NFYA: variants seen among roughly 807,000 people sequenced by gnomAD.
NFYA encodes the protein CAAT-box DNA binding protein subunit A.
In NFYA, 28 loss-of-function variants were observed where a neutral mutation model predicts 52.8. That is an observed-to-expected ratio of 0.53 (90% CI 0.39 to 0.73). The LOEUF is 0.73. Ranked by LOEUF, NFYA falls within the 30% of genes least tolerant of loss-of-function variation. The pLI, the probability that NFYA is intolerant of heterozygous loss-of-function variation, is 0.00. For missense variants in NFYA, 234 were observed against 427.0 expected, an observed-to-expected ratio of 0.55 and a Z score of 3.98; for synonymous variants, 150 against 150.7, an observed-to-expected ratio of 1.00 and a Z score of 0.03.
At chr6:41,097,117 G>A (rs1764379479) in intron 9 of NFYA, among the ~76,000 whole-genome samples, 1 of 152,162 alleles carries the variant, frequency 6.6e-6, no homozygotes, top group Non-Finnish European at 1.5e-5. Flanking sequence ...TAACAGCCCT[G>A]CAGTGTTTCA....
At chr6:41,094,621 G>T in intron 9 of NFYA, 124 bp downstream of exon 9, 1 of 656,866 alleles carries the variant, frequency 1.5e-6, no homozygotes, top group East Asian at 2.8e-5. Flanking sequence ...TAAACTGGAT[G>T]CAATCTTATG....
At chr6:41,078,951 TA>T (rs1486416984) in intron 1 of NFYA, 77 bp from the exon 2 acceptor site, 2 of 629,594 alleles carry the variant, frequency 3.2e-6, no homozygotes, top group African/African-American at 3.6e-5. Flanking sequence ...AGTACAGTGA[TA>T]AATTATCCAG....
chr6:41,100,834 C>T lies in NFYA; in HGVS notation c.*3424C>T, dbSNP rs532502894. Among the ~76,000 whole-genome samples, 2 of 152,250 alleles carry T rather than the reference C, an allele frequency of 1.3e-5. No homozygotes were observed. Among genetic ancestry groups the T allele is most frequent in the African/African-American group, 2.4e-5 (1 of 41,474 alleles). On this transcript the variant is annotated 3_prime_UTR_variant, in exon 10 of 10. Transcript: ENST00000341376. ...CAGACCGCCGCACCTCCAGCCCCTT[C>T]TCCCCGGGGAAGTAGGCCCCGCTAA... is the stretch of plus-strand genomic sequence containing the variant.
intron 9 of NFYA, among the ~76,000 whole-genome samples, chr6:41,094,926 T>C (rs1218059729): frequency 1.3e-5 from 2 of 152,256 alleles, no homozygotes; most frequent in Non-Finnish European, 2.9e-5. Context: ...CAAGTTTTAT[T>C]TTTATTGAAC....
intron 8 of NFYA, 32 bp downstream of exon 8, chr6:41,093,117 G>A: frequency 2.5e-6 from 4 of 1,587,828 alleles, no homozygotes; most frequent in African/African-American, 1.3e-5. Context: ...ATATAGGAAA[G>A]GAGAATAGCA....
At chr6:41,088,326 G>A (rs1764101858) in intron 4 of NFYA, among the ~76,000 whole-genome samples, 1 of 150,074 alleles carries the variant, frequency 6.7e-6, no homozygotes, top group Non-Finnish European at 1.5e-5. Flanking sequence ...GGGAGGCTGA[G>A]GCAGGAGAAT....
At chr6:41,078,970 G>A in intron 1 of NFYA, 59 bp from the exon 2 acceptor site, 1 of 731,358 alleles carries the variant, frequency 1.4e-6, no homozygotes, top group Non-Finnish European at 2.3e-6. Flanking sequence ...CAGGTTAATT[G>A]TCTGGTAAGG....
chr6:41,090,367 A>G (rs1056925442), intron 6 of NFYA, 58 bp downstream of exon 6: 2 of 1,014,512 alleles, frequency 2.0e-6, no homozygotes, highest in Admixed American at 1.9e-5. Flanking sequence ...TGTCCCTTAG[A>G]CAACTGACAT....
At chr6:41,095,014 C>G (rs1319873952) in intron 9 of NFYA, among the ~76,000 whole-genome samples, 1 of 152,140 alleles carries the variant, frequency 6.6e-6, no homozygotes, top group Non-Finnish European at 1.5e-5. Context: ...CTGGTCTAAT[C>G]CTCTCTTCTT....
At chr6:41,073,622 G>A (rs73733360) in intron 1 of NFYA, among the ~76,000 whole-genome samples, 4,231 of 152,172 alleles carry the variant, frequency 0.028, 154 homozygotes, top group East Asian at 0.099. Flanking sequence ...CTCTAGGTCG[G>A]GAGGGAGGCC....
chr6:41,090,755 C>A (rs572704175), intron 6 of NFYA, among the ~76,000 whole-genome samples: 14 of 152,000 alleles, frequency 9.2e-5, no homozygotes, highest in African/African-American at 3.1e-4. Context: ...GTAAGAAAGA[C>A]GTGAACAAAT....
intron 9 of NFYA, among the ~76,000 whole-genome samples, chr6:41,096,421 C>T (rs1243701695): frequency 6.6e-6 from 1 of 152,200 alleles, no homozygotes; most frequent in East Asian, 1.9e-4. Context: ...ACAATATGAT[C>T]TTGGTCAATT....
intron 4 of NFYA, among the ~76,000 whole-genome samples, chr6:41,086,522 G>GTT (rs35163651): frequency 6.6e-6 from 1 of 151,892 alleles, no homozygotes; most frequent in Admixed American, 6.6e-5. Flanking sequence ...TTGTATAGGA[G>GTT]TTTTTTTTCT....
At chr6:41,091,828 C>A in intron 7 of NFYA, 134 bp downstream of exon 7, 1 of 951,016 alleles carries the variant, frequency 1.1e-6, no homozygotes, top group Non-Finnish European at 1.5e-6. Context: ...TCTACTTTGA[C>A]AATAACATTA....
At position 41,092,356 on chromosome 6, in the gene NFYA, G is replaced by A. The variant is rs774521535; in HGVS notation, c.715-556G>A. ...AGCCTGGGCAATGTAGAGAGACCTC[G>A]TTTCTACGAATTGAATGAAAAATAA... On this transcript the variant is annotated intron_variant, in intron 7 of 9. Transcript: ENST00000341376. 3.3e-5 allele frequency among the ~76,000 whole-genome samples: 5 copies of A among 152,128 alleles called. No individual in the cohort carries two copies. In the East Asian group the frequency reaches 5.8e-4, roughly 18 times the overall value.
chr6:41,073,553 G>T (rs1181233877), intron 1 of NFYA, among the ~76,000 whole-genome samples: 2 of 152,008 alleles, frequency 1.3e-5, no homozygotes, highest in South Asian at 4.1e-4. Flanking sequence ...AAGCCTCCCC[G>T]GGGCCCGCGC....
At position 41,098,844 on chromosome 6, in the gene NFYA, C is replaced by T. The variant is rs1764427834; in HGVS notation, c.*1434C>T. The T allele has an allele frequency of 6.6e-6, 1 of 152,592 alleles. No individual in the cohort carries two copies. The highest frequency in any genetic ancestry group is 2.4e-5 in the African/African-American group (1 of 41,418). The allele number at this position is 152,592 out of a possible 1,614,324, so 9.5% of individuals were successfully genotyped here. On this transcript the variant is annotated 3_prime_UTR_variant, in exon 10 of 10. Transcript: ENST00000341376. ...ACTGTTCCCAGAACGGGTTGTGCCT[C>T]AGAAATCTATTTCTCTTTTAGATGT...
chr6:41,084,955 T>A (rs1764003438), intron 4 of NFYA, among the ~76,000 whole-genome samples: 1 of 152,004 alleles, frequency 6.6e-6, no homozygotes, highest in Admixed American at 6.6e-5. Flanking sequence ...AGCAAGATTC[T>A]GTCTCAAAAA....
At chr6:41,095,775 A>G (rs770207026) in intron 9 of NFYA, among the ~76,000 whole-genome samples, 1 of 152,192 alleles carries the variant, frequency 6.6e-6, no homozygotes, top group Non-Finnish European at 1.5e-5. Flanking sequence ...GAATTTTTCA[A>G]GATTGTTTCC....
Sources: gnomAD v4.1 joint callset for allele counts (sites outside exome capture counted in the v4.1 genomes callset) on GRCh38, gnomAD v4.1.1 for gene constraint, MANE v1.5 for transcripts, NCBI Gene and HGNC (gene_info 2026-07-23, HGNC 2026-07-21) for gene names.